The following VAPB variants were observed in gnomAD, a reference collection of about 807,000 sequenced individuals.
VAPB encodes the protein VAMP associated protein B and C, also known as vesicle-associated membrane protein-associated protein B/C.
Under a neutral mutation model 25.6 loss-of-function variants are expected in VAPB, and 7 were observed. The observed-to-expected ratio is 0.27, with a 90% CI of 0.16 to 0.51. VAPB has a LOEUF of 0.51. Among genes scored for constraint, VAPB ranks in the 20% least tolerant of loss-of-function variants. VAPB has a pLI of 0.97. For missense variants in VAPB, 266 were observed against 301.3 expected, an observed-to-expected ratio of 0.88 and a Z score of 0.87; for synonymous variants, 112 against 109.2, an observed-to-expected ratio of 1.03 and a Z score of -0.16.
In VAPB at chr20:58,449,865, T is replaced by C. The variant is rs1376673772; in HGVS notation, c.*5630T>C. 1 of 454,000 alleles carries C rather than the reference T, an allele frequency of 2.2e-6. No homozygotes were observed. Among genetic ancestry groups the C allele is most frequent in the Non-Finnish European group, 4.4e-6 (1 of 226,802 alleles). 28.1% of individuals were successfully genotyped at this position (454,000 alleles called of 1,614,324 possible). ...AGGAGTGCGCCTGGCCTTCTGCAGGTGGAGCTGCTGTCAGAGCTTCGTTTC... is the reference window on the plus strand; with the variant it reads ...AGGAGTGCGCCTGGCCTTCTGCAGGCGGAGCTGCTGTCAGAGCTTCGTTTC... On this transcript the variant is annotated 3_prime_UTR_variant, in exon 6 of 6. Transcript: ENST00000475243.
intron 1 of VAPB, among the ~76,000 whole-genome samples, chr20:58,416,039 AT>A (rs1421595397): frequency 2.0e-5 from 3 of 152,192 alleles, no homozygotes; most frequent in African/African-American, 4.8e-5. Flanking sequence ...TTCATTGCAT[AT>A]ATTTTCAGTA....
intron 2 of VAPB, among the ~76,000 whole-genome samples, chr20:58,433,997 A>T (rs1056290724): frequency 3.3e-5 from 5 of 152,126 alleles, no homozygotes; most frequent in Non-Finnish European, 7.4e-5. Context: ...CATCCACAGG[A>T]TCCTCTGTGT....
intron 3 of VAPB, among the ~76,000 whole-genome samples, chr20:58,435,380 T>C (rs896552735): frequency 3.3e-5 from 5 of 152,146 alleles, no homozygotes; most frequent in Admixed American, 2.6e-4. Context: ...GGGAGTTGAA[T>C]TGAAATCTAC....
rs59133081 is a variant in VAPB, at chr20:58,423,414, C to CAAAAAAAAAAAAAAAAAAAAAA, written c.211+5065_211+5086dup. Among the ~76,000 whole-genome samples the CAAAAAAAAAAAAAAAAAAAAAA allele has an allele frequency of 2.9e-4, 10 of 34,762 alleles. 1 individual carries two copies. Among genetic ancestry groups the CAAAAAAAAAAAAAAAAAAAAAA allele is most frequent in the Admixed American group, 6.6e-4 (1 of 1,510 alleles). 22.8% of individuals were successfully genotyped at this position (34,762 alleles called of 152,430 possible). On this transcript the variant is annotated intron_variant, in intron 2 of 5. Transcript: ENST00000475243. ...GCAACAAGAGAGAAACTCCATCTCACAAAAAAAAAAAAAAAAAAAAAAAAA... is the reference window on the plus strand; with the variant it reads ...GCAACAAGAGAGAAACTCCATCTCACAAAAAAAAAAAAAAAAAAAAAAAAAAAAAAAAAAAAAAAAAAAAAAA...
rs533776047 is a variant in VAPB, at chr20:58,448,300, T to C, written c.*4065T>C. The C allele has an allele frequency of 1.3e-5, 6 of 453,702 alleles. No homozygotes were observed. The highest frequency in any genetic ancestry group is 1.2e-4 in the African/African-American group (6 of 50,084). 28.1% of individuals were successfully genotyped at this position (453,702 alleles called of 1,614,324 possible). A position where few individuals can be genotyped will look rare whatever the true frequency, so the allele number is the denominator to read the frequency against. On this transcript the variant is annotated 3_prime_UTR_variant, in exon 6 of 6. Coordinates refer to ENST00000475243, the MANE Select transcript of VAPB (RefSeq NM_004738.5). ...ATGCTGGCCCTACGCGAATTGAGTTTCTGTGGCCTAATTGGATTTGGAGAA... is the reference window on the plus strand; with the variant it reads ...ATGCTGGCCCTACGCGAATTGAGTTCCTGTGGCCTAATTGGATTTGGAGAA...
At chr20:58,412,821 A>G (rs894942286) in intron 1 of VAPB, among the ~76,000 whole-genome samples, 5 of 152,198 alleles carry the variant, frequency 3.3e-5, no homozygotes, top group Admixed American at 6.5e-5. Context: ...TTTTTCTTCC[A>G]TGGCTCTTGA....
intron 1 of VAPB, among the ~76,000 whole-genome samples, chr20:58,400,986 A>G (rs777834481): frequency 6.6e-6 from 1 of 152,252 alleles, no homozygotes; most frequent in Non-Finnish European, 1.5e-5. Context: ...GTGCAGATGC[A>G]CACAATCAAA....
intron 2 of VAPB, among the ~76,000 whole-genome samples, chr20:58,433,630 C>T (rs1047875390): frequency 6.6e-6 from 1 of 152,208 alleles, no homozygotes; most frequent in African/African-American, 2.4e-5. Flanking sequence ...TGTGTTCATT[C>T]TTTTCATGTG....
Position 58,444,332 on chromosome 20 carries a change from G to T in VAPB, c.*97G>T. ...CATGTGTAAAAAGAAATTAATGTATGATGACATCTCACAGGTCTTGCCTTT... is the reference window on the plus strand; with the variant it reads ...CATGTGTAAAAAGAAATTAATGTATTATGACATCTCACAGGTCTTGCCTTT... On this transcript the variant is annotated 3_prime_UTR_variant, in exon 6 of 6. Coordinates refer to ENST00000475243, the MANE Select transcript of VAPB (RefSeq NM_004738.5). 1 of 1,576,848 alleles carries T rather than the reference G, an allele frequency of 6.3e-7. No individual in the cohort carries two copies. Among genetic ancestry groups the T allele is most frequent in the Non-Finnish European group, 8.7e-7 (1 of 1,148,002 alleles).
rs1484865853 is a variant in VAPB at position 58,445,542 on chromosome 20, A to C, written c.*1307A>C. 2.2e-6 allele frequency: 1 copy of C among 454,262 alleles called. No homozygotes were observed. Among genetic ancestry groups the C allele is most frequent in the Non-Finnish European group, 4.4e-6 (1 of 226,772 alleles). 28.1% of individuals were successfully genotyped at this position (454,262 alleles called of 1,614,324 possible). The stretch of plus-strand genomic sequence containing the variant: ...AAAAGAAAAATTATAATAAAGCCCC[A>C]AAATTAAGAATTCTTTTGTCATTTT... On this transcript the variant is annotated 3_prime_UTR_variant, in exon 6 of 6. Coordinates refer to ENST00000475243, the MANE Select transcript of VAPB (RefSeq NM_004738.5).
At chr20:58,392,925 AAAG>A (rs1987843746) in intron 1 of VAPB, among the ~76,000 whole-genome samples, 1 of 152,234 alleles carries the variant, frequency 6.6e-6, no homozygotes, top group African/African-American at 2.4e-5. Flanking sequence ...TGGCTTCCTG[AAAG>A]AAGCATGACA....
At chr20:58,400,670 T>G (rs532552211) in intron 1 of VAPB, among the ~76,000 whole-genome samples, 13 of 152,368 alleles carry the variant, frequency 8.5e-5, no homozygotes, top group Admixed American at 7.8e-4. Context: ...TCTTCTTGTT[T>G]TCTTTTCCGA....
At chr20:58,391,769 G>C (rs1987804710) in intron 1 of VAPB, among the ~76,000 whole-genome samples, 1 of 152,208 alleles carries the variant, frequency 6.6e-6, no homozygotes, top group Non-Finnish European at 1.5e-5. Context: ...CGGACCTCAA[G>C]TGATCCGCCC....
At position 58,405,037 on chromosome 20, in the gene VAPB, T is replaced by G. The variant is rs114517465; in HGVS notation, c.59-13174T>G. 5.3e-3 allele frequency among the ~76,000 whole-genome samples: 799 copies of G among 152,152 alleles called. 7 individuals carry two copies. The highest frequency in any genetic ancestry group is 0.018 in the African/African-American group (748 of 41,498). On this transcript the variant is annotated intron_variant, in intron 1 of 5. Transcript: ENST00000475243. ...AACAGAAAATATATATGATGTGGTG[T>G]CAGGCAGTAGGTGATAAATGGGAAA...
rs116379274 is a variant in VAPB, at chr20:58,415,181, C to T, written c.59-3030C>T. On this transcript the variant is annotated intron_variant, in intron 1 of 5. Coordinates refer to ENST00000475243, the MANE Select transcript of VAPB (RefSeq NM_004738.5). ...CTCTTACCTCTTATTGCCTTAAACA[C>T]AATTTAAAATGACAAAAATCCAAGC... Among the ~76,000 whole-genome samples, 799 of 152,366 alleles carry T rather than the reference C, an allele frequency of 5.2e-3. 7 individuals are homozygous for T. Among genetic ancestry groups the T allele is most frequent in the African/African-American group, 0.018 (748 of 41,590 alleles).
intron 3 of VAPB, among the ~76,000 whole-genome samples, chr20:58,436,892 GTAT>G (rs1322810614): frequency 6.7e-6 from 1 of 148,600 alleles, no homozygotes; most frequent in African/African-American, 2.5e-5. Context: ...CTTCAATTCA[GTAT>G]TATTATGTGA....
At chr20:58,425,816 A>G (rs1988771699) in intron 2 of VAPB, among the ~76,000 whole-genome samples, 1 of 152,162 alleles carries the variant, frequency 6.6e-6, no homozygotes, top group Non-Finnish European at 1.5e-5. Flanking sequence ...GTTGTAGCAA[A>G]CATTCGTGGT....
At chr20:58,396,266 T>TG (rs1345730433) in intron 1 of VAPB, among the ~76,000 whole-genome samples, 1 of 152,150 alleles carries the variant, frequency 6.6e-6, no homozygotes, top group Non-Finnish European at 1.5e-5. Context: ...TTCACGCTTT[T>TG]GGGGGGTGTG....
At chr20:58,440,849 A>T (rs1600818190) in intron 4 of VAPB, 58 bp from the exon 5 acceptor site, 2 of 1,560,054 alleles carry the variant, frequency 1.3e-6, no homozygotes, top group Non-Finnish European at 1.8e-6. Flanking sequence ...TACTTTGCAT[A>T]AAAAAGTCCA....
Sources: gnomAD v4.1 joint callset for allele counts (sites outside exome capture counted in the v4.1 genomes callset) on GRCh38, gnomAD v4.1.1 for gene constraint, MANE v1.5 for transcripts, NCBI Gene and HGNC (gene_info 2026-07-23, HGNC 2026-07-21) for gene names.